The following ABCC2 variants were observed in gnomAD, a reference collection of about 807,000 sequenced individuals.
ABCC2 encodes ATP binding cassette subfamily C member 2.
ABCC2 carries 157 observed loss-of-function variants against 173.4 expected under a neutral mutation model. The ratio of observed to expected loss-of-function variants is 0.91; its 90% CI spans 0.80 to 1.03. ABCC2 has a LOEUF of 1.03. ABCC2 is among the 50% of genes least tolerant of loss of function. The pLI is 0.00. For synonymous variants in ABCC2, 657 were observed against 693.5 expected (o/e 0.95, Z 0.83); for missense variants, 1,822 against 1,852.3 (o/e 0.98, Z 0.30).
Position 99,807,539 on chromosome 10 carries a change from C to A in ABCC2, c.1668+18C>A, listed in dbSNP as rs1256723897. Reference sequence around the variant, plus strand: ...CAGTCCTGGTGAGTAGCAGAGGGGTCCATGGGCTGCGTATTCACCTGGACC... The same window carrying A: ...CAGTCCTGGTGAGTAGCAGAGGGGTACATGGGCTGCGTATTCACCTGGACC... On this transcript the variant is annotated intron_variant, in intron 12 of 31. Transcript: ENST00000647814. 6.2e-7 allele frequency: 1 copy of A among 1,614,016 alleles called. No individual in the cohort carries two copies. Among genetic ancestry groups the A allele is most frequent in the Non-Finnish European group, 8.5e-7 (1 of 1,179,934 alleles).
intron 19 of ABCC2, among the ~76,000 whole-genome samples, chr10:99,824,309 T>C (rs930625533): frequency 2.0e-5 from 3 of 146,942 alleles, no homozygotes; most frequent in African/African-American, 7.6e-5. Context: ...GCTTAATTTT[T>C]CTATTTTCTA....
chr10:99,844,399 G>A lies in ABCC2; in HGVS notation c.3921G>A (p.Val1307=). ...KGKIQFNNYQ[V]RYRPELDLVL... is the part of the protein sequence containing the mutation. ...AGATCCAGTTTAACAACTACCAAGT[G>A]CGGTACCGACCTGAGCTGGATCTGG... The change falls in exon 28 of 32, where the codon GTG becomes GTA. Residue 1307 remains valine, a synonymous_variant. Transcript: ENST00000647814. 1.2e-6 allele frequency: 2 copies of A among 1,614,234 alleles called. No homozygotes were observed. The highest frequency in any genetic ancestry group is 1.7e-6 in the Non-Finnish European group (2 of 1,180,040).
At chr10:99,795,024 G>A (rs1318433223) in intron 6 of ABCC2, among the ~76,000 whole-genome samples, 1 of 152,150 alleles carries the variant, frequency 6.6e-6, no homozygotes, top group East Asian at 1.9e-4. Flanking sequence ...AGAAAAGAAA[G>A]GAGGCAGTAG....
At chr10:99,826,317 G>T (rs2038637634) in intron 19 of ABCC2, among the ~76,000 whole-genome samples, 1 of 151,996 alleles carries the variant, frequency 6.6e-6, no homozygotes, top group African/African-American at 2.4e-5. Flanking sequence ...TGATCCTGCG[G>T]GAACCTTTCC....
At chr10:99,831,925 A>T (rs966613739) in intron 22 of ABCC2, 52 bp from the exon 23 acceptor site, 2 of 1,613,398 alleles carry the variant, frequency 1.2e-6, no homozygotes, top group African/African-American at 2.7e-5. Flanking sequence ...CCTGGGCACA[A>T]GTCTTCAGGG....
At position 99,793,924 on chromosome 10, in the gene ABCC2, GTTC is replaced by G. The variant is rs775220566; in HGVS notation, c.505_507del (p.Phe169del). On this transcript the variant is annotated inframe_deletion, in exon 5 of 32. Transcript: ENST00000647814. ...ATTCTAATCTAGCCTACTCCTGCCTGTTCTTCATCTCCTACGGATTCCAGATCC... is the reference window on the plus strand; with the variant it reads ...ATTCTAATCTAGCCTACTCCTGCCTGTTCATCTCCTACGGATTCCAGATCC... The G allele has an allele frequency of 1.9e-6, 3 of 1,613,888 alleles. No homozygotes were observed. Among genetic ancestry groups the G allele is most frequent in the Admixed American group, 3.3e-5 (2 of 60,008 alleles).
intron 9 of ABCC2, among the ~76,000 whole-genome samples, chr10:99,801,467 A>G (rs1355877981): frequency 6.6e-6 from 1 of 152,096 alleles, no homozygotes; most frequent in African/African-American, 2.4e-5. Context: ...CGATCTCCTG[A>G]CGTCATGATC....
At position 99,850,737 on chromosome 10, in the gene ABCC2, C is replaced by G. The variant is rs756299268; in HGVS notation, c.4449C>G (p.Phe1483Leu). ...NLIQTTIQNEFAHCTVITIAH... is the reference protein window; with the variant it reads ...NLIQTTIQNELAHCTVITIAH... The stretch of plus-strand genomic sequence containing the variant: ...TTCAGACGACCATCCAAAACGAGTT[C>G]GCCCACTGCACAGTGATCACCATCG... The change falls in exon 31 of 32, where the codon TTC becomes TTG. Residue 1483 changes from phenylalanine to leucine, a missense_variant. Physicochemically the swap from Phe to Leu is conservative, Grantham distance 22. Coordinates refer to ENST00000647814, the MANE Select transcript of ABCC2 (RefSeq NM_000392.5). 1.2e-6 allele frequency: 2 copies of G among 1,614,184 alleles called. No homozygotes were observed. The highest frequency in any genetic ancestry group is 1.7e-5 in the Admixed American group (1 of 60,020).
At chr10:99,796,115 C>A (rs2037907162) in intron 6 of ABCC2, among the ~76,000 whole-genome samples, 1 of 152,214 alleles carries the variant, frequency 6.6e-6, no homozygotes, top group Non-Finnish European at 1.5e-5. Flanking sequence ...GTAATCCCAG[C>A]ACCTTGGGAG....
intron 2 of ABCC2, among the ~76,000 whole-genome samples, chr10:99,787,393 T>A (rs910614340): frequency 2.0e-5 from 3 of 152,204 alleles, no homozygotes; most frequent in African/African-American, 7.2e-5. Context: ...CTTAGCACAA[T>A]GTGTTCAAGG....
rs2037855979 is a variant in ABCC2 at position 99,794,143 on chromosome 10, T to G, written c.576+144T>G. On this transcript the variant is annotated intron_variant, in intron 5 of 31. Transcript: ENST00000647814. ...GACCATTTTATGACAAGGAAACAGA[T>G]AGTGATGAGAGTAAAATACTGACTT... The G allele has an allele frequency of 1.6e-5, 11 of 670,892 alleles. No individual in the cohort carries two copies. In the South Asian group the frequency reaches 1.8e-4, roughly 11 times the overall value. The allele number at this position is 670,892 out of a possible 1,614,324, so 41.6% of individuals were successfully genotyped here.
intron 26 of ABCC2, among the ~76,000 whole-genome samples, chr10:99,843,308 T>G (rs1188321035): frequency 1.3e-5 from 2 of 152,240 alleles, no homozygotes; most frequent in Non-Finnish European, 2.9e-5. Flanking sequence ...GTCCCCATGA[T>G]TCCGTCCTCT....
intron 2 of ABCC2, among the ~76,000 whole-genome samples, chr10:99,787,121 T>C (rs2037725500): frequency 6.6e-6 from 1 of 151,182 alleles, no homozygotes; most frequent in African/African-American, 2.4e-5. Flanking sequence ...TGAGCCAAGA[T>C]CGTGCCACTG....
At chr10:99,798,301 G>C (rs2037955875) in intron 7 of ABCC2, among the ~76,000 whole-genome samples, 1 of 152,084 alleles carries the variant, frequency 6.6e-6, no homozygotes, top group Non-Finnish European at 1.5e-5. Context: ...TTGTGAGAGA[G>C]TATCACTGGT....
Position 99,832,885 on chromosome 10 carries a change from T to C in ABCC2, c.3258+754T>C, listed in dbSNP as rs185257138. ...ACTAGACACTGGGGCACTCAATGAA[T>C]GTGAAGATCATAGATGTCTCTCTTC... On this transcript the variant is annotated intron_variant, in intron 23 of 31. Coordinates refer to ENST00000647814, the MANE Select transcript of ABCC2 (RefSeq NM_000392.5). Among the ~76,000 whole-genome samples, 6 of 152,364 alleles carry C rather than the reference T, an allele frequency of 3.9e-5. No individual in the cohort carries two copies. The East Asian group carries it at 1.2e-3, about 29-fold the overall frequency.
intron 24 of ABCC2, among the ~76,000 whole-genome samples, chr10:99,835,799 T>C (rs558847021): frequency 1.6e-3 from 248 of 152,182 alleles, no homozygotes; most frequent in African/African-American, 5.5e-3. Context: ...GGGATATGGG[T>C]TAGGCTGACG....
At chr10:99,807,935 C>T in intron 12 of ABCC2, 148 bp from the exon 13 acceptor site, 1 of 987,486 alleles carries the variant, frequency 1.0e-6, no homozygotes, top group Non-Finnish European at 1.6e-6. Flanking sequence ...TTCCTCCTCT[C>T]CTGGGCTCAG....
chr10:99,814,213 GTGTATATATA>G lies in ABCC2; in HGVS notation c.2094+1070_2094+1079del, dbSNP rs1564683729. Among the ~76,000 whole-genome samples, 5 of 54,628 alleles carry G rather than the reference GTGTATATATA, an allele frequency of 9.2e-5. 2 individuals carry two copies. The highest frequency in any genetic ancestry group is 1.8e-4 in the African/African-American group (2 of 11,264). The allele number at this position is 54,628 out of a possible 152,430, so 35.8% of individuals were successfully genotyped here. ...CACACATGTGTATATATACACACAT[GTGTATATATA>G]CACACATGTGTATATATGCACACAC... On this transcript the variant is annotated intron_variant, in intron 16 of 31. Coordinates refer to ENST00000647814, the MANE Select transcript of ABCC2 (RefSeq NM_000392.5).
chr10:99,810,239 C>T, intron 14 of ABCC2, 21 bp downstream of exon 14: 1 of 1,601,966 alleles, frequency 6.2e-7, no homozygotes, highest in Non-Finnish European at 8.6e-7. Flanking sequence ...TTGGAAGTTG[C>T]TTCCCAAACT....
Sources: allele counts gnomAD v4.1 joint callset (sites outside exome capture counted in the v4.1 genomes callset), GRCh38; gene constraint gnomAD v4.1.1; transcripts MANE v1.5; gene names NCBI Gene and HGNC (gene_info 2026-07-23, HGNC 2026-07-21).